Variants in SERPINB5 observed in about 807,000 individuals in gnomAD.
The protein encoded by SERPINB5 is serpin B5.
Under a neutral mutation model 32.2 loss-of-function variants are expected in SERPINB5, and 27 were observed. The ratio of observed to expected loss-of-function variants is 0.84; its 90% CI spans 0.62 to 1.16. SERPINB5 has a LOEUF of 1.16. Ranked by LOEUF, SERPINB5 falls within the 50% of genes most tolerant of loss-of-function variation. The pLI, the probability that SERPINB5 is intolerant of heterozygous loss-of-function variation, is 0.00. For synonymous variants in SERPINB5, 154 were observed against 157.4 expected (o/e 0.98, Z 0.16); for missense variants, 388 against 436.3 (o/e 0.89, Z 0.99).
chr18:63,487,675 TCATA>T (rs1235820402), intron 3 of SERPINB5, among the ~76,000 whole-genome samples: 1 of 152,170 alleles, frequency 6.6e-6, no homozygotes, highest in East Asian at 1.9e-4. Context: ...CTCTAAGGAA[TCATA>T]CAAACACCAC....
At position 63,480,264 on chromosome 18, in the gene SERPINB5, G is replaced by A. The variant is rs529139623; in HGVS notation, c.-8+3219G>A. Among the ~76,000 whole-genome samples, 3 of 152,352 alleles carry A rather than the reference G, an allele frequency of 2.0e-5. No homozygotes were observed. The East Asian group carries it at 5.8e-4, about 29-fold the overall frequency. On this transcript the variant is annotated intron_variant, in intron 1 of 6. Coordinates refer to ENST00000382771, the MANE Select transcript of SERPINB5 (RefSeq NM_002639.5). ...TTCTTAAAACTGCATTTGTATTACTGCTTGAACTTCCATCTATCTCACTTT... is the reference window on the plus strand; with the variant it reads ...TTCTTAAAACTGCATTTGTATTACTACTTGAACTTCCATCTATCTCACTTT...
intron 2 of SERPINB5, 145 bp from the exon 3 acceptor site, chr18:63,486,801 T>C (rs1227253315): frequency 1.4e-6 from 1 of 740,598 alleles, no homozygotes; most frequent in Admixed American, 2.4e-5. Flanking sequence ...ATGTCAATAG[T>C]GCTGAGGTTG....
chr18:63,499,450 C>G (rs564802332), intron 6 of SERPINB5, among the ~76,000 whole-genome samples, 163 bp downstream of exon 6: 1 of 152,290 alleles, frequency 6.6e-6, no homozygotes, highest in African/African-American at 2.4e-5. Flanking sequence ...GGCCTTTCCT[C>G]CTTAATATTA....
At chr18:63,497,523 C>T in intron 5 of SERPINB5, 2 of 431,630 alleles carry the variant, frequency 4.6e-6, no homozygotes, top group Non-Finnish European at 8.4e-6. Context: ...AAGAGCCAAG[C>T]ATACAGTGGA....
At chr18:63,483,030 T>A (rs2144494115) in intron 1 of SERPINB5, among the ~76,000 whole-genome samples, 1 of 152,296 alleles carries the variant, frequency 6.6e-6, no homozygotes, top group Admixed American at 6.5e-5. Flanking sequence ...CTTAGTATTA[T>A]CATGAGAATA....
chr18:63,491,412 A>ACCCCCC (rs1568110285), intron 4 of SERPINB5, among the ~76,000 whole-genome samples: 1 of 149,282 alleles, frequency 6.7e-6, no homozygotes, highest in African/African-American at 2.5e-5. Context: ...CCCAAAAAAA[A>ACCCCCC]AAAAAAAAAA....
At chr18:63,493,981 C>T (rs1909396478) in intron 5 of SERPINB5, among the ~76,000 whole-genome samples, 1 of 152,124 alleles carries the variant, frequency 6.6e-6, no homozygotes, top group Non-Finnish European at 1.5e-5. Flanking sequence ...GAATTAAGGG[C>T]CTGTTTTGCA....
At position 63,487,158 on chromosome 18, in the gene SERPINB5, C is replaced by CT. The variant is rs1384371464; in HGVS notation, c.306+82dup. The CT allele has an allele frequency of 4.1e-5, 58 of 1,412,244 alleles. No homozygotes were observed. In the Admixed American group the frequency reaches 7.8e-4, roughly 19 times the overall value. The allele number at this position is 1,412,244 out of a possible 1,614,324, so 87.5% of individuals were successfully genotyped here. A position where few individuals can be genotyped will look rare whatever the true frequency, so the allele number is the denominator to read the frequency against. On this transcript the variant is annotated intron_variant, in intron 3 of 6. Coordinates refer to ENST00000382771, the MANE Select transcript of SERPINB5 (RefSeq NM_002639.5). ...CATTTTCATGCTGTTAGACCTACAA[C>CT]TTTTTTTCAGTGAAATTCCTTTCTA...
intron 5 of SERPINB5, 55 bp from the exon 6 acceptor site, chr18:63,499,065 A>ATATATT: frequency 2.4e-6 from 2 of 834,882 alleles, no homozygotes; most frequent in Non-Finnish European, 1.7e-6. Context: ...ATATATATAT[A>ATATATT]TATTTATGCA....
chr18:63,489,909 C>T (rs12960797), intron 4 of SERPINB5, among the ~76,000 whole-genome samples: 2 of 151,154 alleles, frequency 1.3e-5, no homozygotes, highest in African/African-American at 4.9e-5. Flanking sequence ...AAAAGAAAAA[C>T]CGGCTGGACG....
At chr18:63,503,060 ACTCT>A (rs888610365) in intron 6 of SERPINB5, among the ~76,000 whole-genome samples, 5 of 152,016 alleles carry the variant, frequency 3.3e-5, no homozygotes, top group African/African-American at 9.6e-5. Flanking sequence ...ACAAAAAACT[ACTCT>A]CTAACTTAAA....
In SERPINB5 at chr18:63,484,486, T is replaced by C. The variant is rs778358600; in HGVS notation, c.58T>C (p.Cys20Arg). ...TGCCGTTGATCTGTTCAAACAACTA[T>C]GTGAAAAGGAGCCACTGGGCAATGT... is the stretch of plus-strand genomic sequence containing the variant. The part of the protein sequence containing the change: ...AFAVDLFKQL[C>R]EKEPLGNVLF... Residue 20 changes from cysteine (C) to arginine (R), a missense_variant, in exon 2 of 7, where the codon TGT (cysteine) becomes CGT (arginine). Coordinates refer to ENST00000382771, the MANE Select transcript of SERPINB5 (RefSeq NM_002639.5). 6.2e-7 allele frequency: 1 copy of C among 1,614,186 alleles called. No homozygotes were observed. The highest frequency in any genetic ancestry group is 1.1e-5 in the South Asian group (1 of 91,084).
In SERPINB5 at chr18:63,504,807, T is replaced by A. The variant is rs1355468407; in HGVS notation, c.*1085T>A. The A allele has an allele frequency of 1.3e-5, 2 of 152,232 alleles. No individual in the cohort carries two copies. The highest frequency in any genetic ancestry group is 2.9e-5 in the Non-Finnish European group (2 of 68,046). The allele number at this position is 152,232 out of a possible 1,614,324, so 9.4% of individuals were successfully genotyped here. On this transcript the variant is annotated 3_prime_UTR_variant, in exon 7 of 7. Coordinates refer to ENST00000382771, the MANE Select transcript of SERPINB5 (RefSeq NM_002639.5). The stretch of plus-strand genomic sequence containing the variant: ...AAGTAAAGTGATTAAAGTGCTCACG[T>A]TACCTTGACACATAGTTTTTCAGTC...
chr18:63,501,474 T>C (rs886272472), intron 6 of SERPINB5, among the ~76,000 whole-genome samples: 2 of 152,226 alleles, frequency 1.3e-5, no homozygotes, highest in Admixed American at 6.5e-5. Context: ...TCCAAGTCTT[T>C]GCTATTGTGA....
intron 5 of SERPINB5, chr18:63,497,040 A>T: frequency 1.8e-6 from 1 of 560,602 alleles, no homozygotes. Context: ...CCGCTGTTGT[A>T]CTAGGGGTCT....
intron 4 of SERPINB5, among the ~76,000 whole-genome samples, chr18:63,489,994 C>T (rs1213578747): frequency 6.6e-6 from 1 of 152,200 alleles, no homozygotes; most frequent in African/African-American, 2.4e-5. Flanking sequence ...AGATCGAGAC[C>T]ATCCTGGCTA....
At chr18:63,482,803 A>G (rs1917145600) in intron 1 of SERPINB5, among the ~76,000 whole-genome samples, 1 of 151,324 alleles carries the variant, frequency 6.6e-6, no homozygotes, top group Non-Finnish European at 1.5e-5. Flanking sequence ...ACATTTTGAA[A>G]TGTTCATTTA....
In SERPINB5 at chr18:63,484,449, A is replaced by C. The variant is rs1917173003; in HGVS notation, c.21A>C (p.Ala7=). The change falls in exon 2 of 7, where the codon GCA becomes GCC. Residue 7 remains alanine (A), a synonymous_variant. Coordinates refer to ENST00000382771, the MANE Select transcript of SERPINB5 (RefSeq NM_002639.5). ...CCGCAATGGATGCCCTGCAACTAGC[A>C]AATTCGGCTTTTGCCGTTGATCTGT... MDALQL[A]NSAFAVDLFK... is the part of the protein sequence containing the mutation. The C allele has an allele frequency of 1.2e-6, 2 of 1,613,174 alleles. No homozygotes were observed. Among genetic ancestry groups the C allele is most frequent in the Non-Finnish European group, 1.7e-6 (2 of 1,179,712 alleles).
At chr18:63,478,376 C>T (rs1917070804) in intron 1 of SERPINB5, among the ~76,000 whole-genome samples, 1 of 152,088 alleles carries the variant, frequency 6.6e-6, no homozygotes, top group South Asian at 2.1e-4. Flanking sequence ...AAAGCAGACG[C>T]CCCCCTGCCA....
Sources: allele counts gnomAD v4.1 joint callset (sites outside exome capture counted in the v4.1 genomes callset), GRCh38; gene constraint gnomAD v4.1.1; transcripts MANE v1.5; gene names NCBI Gene and HGNC (gene_info 2026-07-23, HGNC 2026-07-21).